DGKB: variants seen among roughly 807,000 people sequenced by gnomAD.
The protein encoded by DGKB is 90 kDa diacylglycerol kinase.
DGKB carries 67 observed loss-of-function variants against 114.3 expected under a neutral mutation model. The ratio of observed to expected loss-of-function variants is 0.59; its 90% CI spans 0.48 to 0.72. The LOEUF is 0.72. Ranked by LOEUF, DGKB falls within the 30% of genes least tolerant of loss-of-function variation. The probability of loss-of-function intolerance (pLI) is 0.00; values close to 1 mark genes in which losing one functional copy is unlikely to be tolerated. For missense variants in DGKB, 907 were observed against 975.2 expected, an observed-to-expected ratio of 0.93 and a Z score of 0.93; for synonymous variants, 398 against 323.1, an observed-to-expected ratio of 1.23 and a Z score of -2.49.
At position 14,801,925 on chromosome 7, in the gene DGKB, TACAC is replaced by T. The variant is rs142456381; in HGVS notation, c.70+39265_70+39268del. Among the ~76,000 whole-genome samples, 303 of 148,050 alleles carry T rather than the reference TACAC, an allele frequency of 2.0e-3. 1 individual carries two copies. The highest frequency in any genetic ancestry group is 3.3e-3 in the Non-Finnish European group (221 of 67,046). On this transcript the variant is annotated intron_variant, in intron 2 of 25. Transcript: ENST00000402815. ...ACACATATACACACATATATACATATACACACACACACACACACACACGCACACA... is the reference window on the plus strand; with the variant it reads ...ACACATATACACACATATATACATATACACACACACACACACACGCACACA...
intron 23 of DGKB, among the ~76,000 whole-genome samples, chr7:14,328,120 T>C (rs1364104371): frequency 6.6e-6 from 1 of 152,114 alleles, no homozygotes; most frequent in African/African-American, 2.4e-5. Context: ...TCTCTTACTA[T>C]TCTTCTAACA....
intron 21 of DGKB, among the ~76,000 whole-genome samples, chr7:14,347,767 T>C (rs1583321610): frequency 6.6e-6 from 1 of 152,074 alleles, no homozygotes; most frequent in East Asian, 1.9e-4. Context: ...ATATTTGAAA[T>C]TAACTAGAGT....
chr7:14,896,575 A>T (rs1782135162), intron 1 of DGKB, among the ~76,000 whole-genome samples: 1 of 151,670 alleles, frequency 6.6e-6, no homozygotes, highest in Non-Finnish European at 1.5e-5. Flanking sequence ...TATTCCAAGT[A>T]AGTTGGAAAT....
At chr7:14,212,757 A>G (rs1788328004) in intron 23 of DGKB, among the ~76,000 whole-genome samples, 2 of 152,026 alleles carry the variant, frequency 1.3e-5, no homozygotes, top group African/African-American at 4.8e-5. Context: ...TGCCACCAAA[A>G]TACTTTTTTT....
chr7:14,950,260 G>A (rs1786114029), intron 1 of DGKB, among the ~76,000 whole-genome samples: 1 of 151,878 alleles, frequency 6.6e-6, no homozygotes, highest in African/African-American at 2.4e-5. Context: ...CTAATACAAT[G>A]TCTAAAGTCA....
chr7:14,644,337 C>T (rs541742234), intron 13 of DGKB, among the ~76,000 whole-genome samples: 1 of 151,922 alleles, frequency 6.6e-6, no homozygotes, highest in Non-Finnish European at 1.5e-5. Context: ...CATAACACCT[C>T]TAAAGGAAAA....
intron 5 of DGKB, among the ~76,000 whole-genome samples, chr7:14,733,746 T>TGAAG (rs1831254791): frequency 5.4e-4 from 3 of 5,594 alleles, no homozygotes; most frequent in African/African-American, 1.2e-3. Flanking sequence ...AAGAAAGAAA[T>TGAAG]AAAGAAGAAA....
chr7:14,762,889 A>G (rs1372286168), intron 2 of DGKB, among the ~76,000 whole-genome samples: 10 of 152,142 alleles, frequency 6.6e-5, no homozygotes. Flanking sequence ...TGTGTCTAGC[A>G]AAGTGTCTGG....
At chr7:14,455,735 C>G (rs1046527988) in intron 21 of DGKB, among the ~76,000 whole-genome samples, 4 of 151,934 alleles carry the variant, frequency 2.6e-5, no homozygotes, top group Non-Finnish European at 5.9e-5. Flanking sequence ...CATTCTTCAA[C>G]TTGGTTCAGG....
intron 1 of DGKB, among the ~76,000 whole-genome samples, chr7:14,967,078 G>A (rs1169270257): frequency 1.3e-5 from 2 of 152,108 alleles, no homozygotes; most frequent in Non-Finnish European, 2.9e-5. Context: ...GTTTATGGTA[G>A]TTATTGGTTC....
At chr7:14,300,446 A>G (rs1803332187) in intron 23 of DGKB, among the ~76,000 whole-genome samples, 1 of 152,156 alleles carries the variant, frequency 6.6e-6, no homozygotes, top group Admixed American at 6.5e-5. Context: ...GATACATACA[A>G]TGATATTGTT....
chr7:14,565,219 C>T (rs1046458427), intron 20 of DGKB, among the ~76,000 whole-genome samples: 2 of 152,078 alleles, frequency 1.3e-5, no homozygotes, highest in Non-Finnish European at 2.9e-5. Context: ...CAAAGTCTGG[C>T]TTAACCTGTT....
chr7:14,175,560 T>A (rs563377130), intron 25 of DGKB, among the ~76,000 whole-genome samples: 22 of 152,294 alleles, frequency 1.4e-4, no homozygotes, highest in African/African-American at 4.6e-4. Context: ...AGTACTAGGA[T>A]AGACCAATCT....
At chr7:14,534,743 A>G (rs1038558743) in intron 20 of DGKB, among the ~76,000 whole-genome samples, 1 of 152,212 alleles carries the variant, frequency 6.6e-6, no homozygotes, top group Non-Finnish European at 1.5e-5. Flanking sequence ...AAAGTAGAAT[A>G]CATTTTCTTT....
At chr7:14,675,057 T>C (rs1016203217) in intron 12 of DGKB, among the ~76,000 whole-genome samples, 1 of 152,182 alleles carries the variant, frequency 6.6e-6, no homozygotes, top group Non-Finnish European at 1.5e-5. Context: ...GAAAGAGCTT[T>C]GGCTCTTTAA....
chr7:14,375,016 T>G (rs1381262567), intron 21 of DGKB, among the ~76,000 whole-genome samples: 26 of 152,358 alleles, frequency 1.7e-4, no homozygotes, highest in Non-Finnish European at 4.4e-5. Flanking sequence ...TATCCCTGAA[T>G]GAGTTTCCAA....
At chr7:14,592,769 C>G (rs1397840548) in intron 17 of DGKB, among the ~76,000 whole-genome samples, 1 of 151,674 alleles carries the variant, frequency 6.6e-6, no homozygotes, top group African/African-American at 2.4e-5. Flanking sequence ...ATGTTTTTCT[C>G]TGTGGGTTTC....
chr7:14,414,116 C>CA (rs1358089514), intron 21 of DGKB, among the ~76,000 whole-genome samples: 1 of 152,030 alleles, frequency 6.6e-6, no homozygotes, highest in Non-Finnish European at 1.5e-5. Flanking sequence ...TGTAAAGTTT[C>CA]AAAATATATC....
chr7:14,527,229 A>C (rs1446300782), intron 20 of DGKB, among the ~76,000 whole-genome samples: 2 of 152,170 alleles, frequency 1.3e-5, no homozygotes, highest in Non-Finnish European at 1.5e-5. Flanking sequence ...ATATGTATCC[A>C]ATCATTAGTC....
Sources: gnomAD v4.1 joint callset for allele counts (sites outside exome capture counted in the v4.1 genomes callset) on GRCh38, gnomAD v4.1.1 for gene constraint, MANE v1.5 for transcripts, NCBI Gene and HGNC (gene_info 2026-07-23, HGNC 2026-07-21) for gene names.